SLC25A17: variants seen among roughly 807,000 people sequenced by gnomAD.
The protein encoded by SLC25A17 is peroxisomal membrane protein PMP34.
In SLC25A17, 26 loss-of-function variants were observed where a neutral mutation model predicts 38.5. That is an observed-to-expected ratio of 0.68 (90% CI 0.50 to 0.94). The LOEUF (loss-of-function observed/expected upper bound fraction) is 0.94, where lower values mean the gene tolerates loss of function less well. Among genes scored for constraint, SLC25A17 ranks in the 40% least tolerant of loss-of-function variants. The probability of loss-of-function intolerance (pLI) is 0.00; values close to 1 mark genes in which losing one functional copy is unlikely to be tolerated. For missense variants in SLC25A17, 333 were observed against 372.7 expected (o/e 0.89, Z 0.88); for synonymous variants, 139 against 136.2 (o/e 1.02, Z -0.14).
At chr22:40,775,502 G>GCCGGACT (rs1344893792) in intron 7 of SLC25A17, among the ~76,000 whole-genome samples, 2 of 133,932 alleles carry the variant, frequency 1.5e-5, no homozygotes, top group African/African-American at 5.6e-5. Flanking sequence ...TGTCGCCCAG[G>GCCGGACT]CCGGACTGCG....
At chr22:40,797,435 G>A in intron 2 of SLC25A17, 1 of 520,790 alleles carries the variant, frequency 1.9e-6, no homozygotes, top group Non-Finnish European at 3.6e-6. Flanking sequence ...ATGGCATTGA[G>A]TATGTGGCTC....
At chr22:40,775,918 A>T (rs146814192) in intron 7 of SLC25A17, among the ~76,000 whole-genome samples, 204 of 152,240 alleles carry the variant, frequency 1.3e-3, no homozygotes, top group African/African-American at 4.8e-3. Context: ...TCTTTCCTTT[A>T]TAAATTACCC....
chr22:40,781,277 G>A lies in SLC25A17; in HGVS notation c.335-2152C>T, dbSNP rs1393788018. ...TTTTTTTTTTTTGAGACGGAGTCTCGCTCTTTCGCCCAGGCCGGAGTGCAG... is the reference window on the plus strand; with the variant it reads ...TTTTTTTTTTTTGAGACGGAGTCTCACTCTTTCGCCCAGGCCGGAGTGCAG... On this transcript the variant is annotated intron_variant, in intron 4 of 8. Transcript: ENST00000435456. 2.0e-5 allele frequency among the ~76,000 whole-genome samples: 3 copies of A among 148,264 alleles called. No individual in the cohort carries two copies. In the East Asian group the frequency reaches 5.9e-4, roughly 29 times the overall value.
Position 40,794,722 on chromosome 22 carries a change from C to T in SLC25A17, c.116-142G>A, listed in dbSNP as rs183033171. On this transcript the variant is annotated intron_variant, in intron 2 of 8. Transcript: ENST00000435456. ...GCAACCTCCACCTCCTGGGTTCAAG[C>T]GATTCTCCTGTTGCAGCCTCCCAAG... 8.8e-5 allele frequency: 36 copies of T among 408,832 alleles called. No individual in the cohort carries two copies. In the East Asian group the frequency reaches 1.4e-3, roughly 16 times the overall value. 25.3% of individuals were successfully genotyped at this position (408,832 alleles called of 1,614,324 possible). A position where few individuals can be genotyped will look rare whatever the true frequency, so the allele number is the denominator to read the frequency against.
In SLC25A17 at chr22:40,783,800, G is replaced by A. The variant is rs534795720; in HGVS notation, c.335-4675C>T. ...CGCTCACTGCAACCTCCGCCTCCTG[G>A]GTTCAAGTGATTCTCCTACCTCAGC... is the stretch of plus-strand genomic sequence containing the variant. On this transcript the variant is annotated intron_variant, in intron 4 of 8. Coordinates refer to ENST00000435456, the MANE Select transcript of SLC25A17 (RefSeq NM_006358.4). Among the ~76,000 whole-genome samples, 5 of 152,156 alleles carry A rather than the reference G, an allele frequency of 3.3e-5. 1 individual carries two copies. The South Asian group carries it at 1.0e-3, about 32-fold the overall frequency.
chr22:40,790,284 C>T (rs1357140655), intron 4 of SLC25A17, among the ~76,000 whole-genome samples: 2 of 134,008 alleles, frequency 1.5e-5, no homozygotes, highest in East Asian at 4.4e-4. Context: ...GAGGTTGCAG[C>T]AATCCAAGAT....
chr22:40,776,161 G>C (rs932247224), intron 7 of SLC25A17: 2 of 317,544 alleles, frequency 6.3e-6, no homozygotes, highest in African/African-American at 4.5e-5. Flanking sequence ...TTTTCAATTT[G>C]TAATTACCTA....
At chr22:40,773,531 T>TATC (rs924905517) in intron 8 of SLC25A17, among the ~76,000 whole-genome samples, 9 of 152,042 alleles carry the variant, frequency 5.9e-5, no homozygotes, top group East Asian at 5.8e-4. Context: ...CCATCATCAT[T>TATC]ATCATCATCA....
At chr22:40,816,463 G>A (rs1412756296) in intron 1 of SLC25A17, among the ~76,000 whole-genome samples, 1 of 151,964 alleles carries the variant, frequency 6.6e-6, no homozygotes, top group Non-Finnish European at 1.5e-5. Context: ...GGCAATGTTG[G>A]GTAGCTGTGA....
At position 40,777,086 on chromosome 22, in the gene SLC25A17, G is replaced by GC; in HGVS notation, c.646dup (p.Ala216GlyfsTer21). 2 of 1,614,158 alleles carry GC rather than the reference G, an allele frequency of 1.2e-6. No homozygotes were observed. The highest frequency in any genetic ancestry group is 1.7e-6 in the Non-Finnish European group (2 of 1,180,028). Reference sequence around the variant, plus strand: ...CTGCAGGGGATAGGTCACCGTGGTGGCAATCGCTTTGGCTACTGCACCAAT... The same window carrying GC: ...CTGCAGGGGATAGGTCACCGTGGTGGCCAATCGCTTTGGCTACTGCACCAAT... On this transcript the variant is annotated frameshift_variant, in exon 7 of 9. Transcript: ENST00000435456. LOFTEE classifies it high-confidence loss of function.
chr22:40,790,174 T>A (rs1471021784), intron 4 of SLC25A17, among the ~76,000 whole-genome samples: 1 of 151,420 alleles, frequency 6.6e-6, no homozygotes, highest in Admixed American at 6.6e-5. Flanking sequence ...ACCCTATCTT[T>A]ACTAAAAATA....
intron 1 of SLC25A17, among the ~76,000 whole-genome samples, chr22:40,815,071 A>G (rs2057625702): frequency 6.6e-6 from 1 of 152,008 alleles, no homozygotes; most frequent in Non-Finnish European, 1.5e-5. Flanking sequence ...TGCCCGCCTC[A>G]GCCTCCCAAA....
chr22:40,815,778 CT>C (rs990708787), intron 1 of SLC25A17, among the ~76,000 whole-genome samples: 5 of 151,896 alleles, frequency 3.3e-5, no homozygotes, highest in East Asian at 1.9e-4. Flanking sequence ...ACTACAGAAC[CT>C]TTTTTTTCAG....
intron 7 of SLC25A17, among the ~76,000 whole-genome samples, chr22:40,774,392 T>A (rs941246909): frequency 3.9e-5 from 6 of 152,042 alleles, no homozygotes; most frequent in African/African-American, 1.4e-4. Flanking sequence ...CCCGGCTAAT[T>A]TTTGTATTTT....
intron 1 of SLC25A17, among the ~76,000 whole-genome samples, chr22:40,807,079 T>C (rs1467785874): frequency 1.3e-5 from 2 of 152,218 alleles, no homozygotes; most frequent in Non-Finnish European, 2.9e-5. Flanking sequence ...ATACAAATTC[T>C]TCATTCCTTT....
intron 4 of SLC25A17, chr22:40,779,434 T>G: frequency 1.7e-6 from 1 of 594,844 alleles, no homozygotes; most frequent in South Asian, 2.7e-5. Context: ...GCAATTTTGA[T>G]ATAGCTTTAA....
At chr22:40,817,986 G>A (rs2057659734) in intron 1 of SLC25A17, among the ~76,000 whole-genome samples, 1 of 152,180 alleles carries the variant, frequency 6.6e-6, no homozygotes, top group African/African-American at 2.4e-5. Flanking sequence ...GAAATGCTGT[G>A]TCACTTAATT....
rs2057254452 is a variant in SLC25A17, at chr22:40,777,308, A to G, written c.517T>C (p.Leu173=). 5 of 1,614,094 alleles carry G rather than the reference A, an allele frequency of 3.1e-6. No individual in the cohort carries two copies. The highest frequency in any genetic ancestry group is 3.3e-4 in the Middle Eastern group (2 of 6,084). The part of the protein sequence containing the change: ...SALWNGTFPS[L]LLVFNPAIQF... ...ATGGCAGGATTGAAGACCAACAGCA[A>G]TGAGGGAAATGTGCCATTCCATAAA... is the stretch of plus-strand genomic sequence containing the variant. The change falls in exon 6 of 9, where the codon TTG becomes CTG. Residue 173 remains leucine, a synonymous_variant. Coordinates refer to ENST00000435456, the MANE Select transcript of SLC25A17 (RefSeq NM_006358.4).
Position 40,783,736 on chromosome 22 carries a change from C to T in SLC25A17, c.335-4611G>A, listed in dbSNP as rs568772168. Among the ~76,000 whole-genome samples, 8 of 151,980 alleles carry T rather than the reference C, an allele frequency of 5.3e-5. 1 individual carries two copies. The South Asian group carries it at 1.5e-3, about 28-fold the overall frequency. ...TTTTTCTTTTTTGGAGATGGAGTCT[C>T]GCTCTATCTCCCAGGCTGGAGTGCA... On this transcript the variant is annotated intron_variant, in intron 4 of 8. Coordinates refer to ENST00000435456, the MANE Select transcript of SLC25A17 (RefSeq NM_006358.4).
Sources: allele counts gnomAD v4.1 joint callset (sites outside exome capture counted in the v4.1 genomes callset), GRCh38; gene constraint gnomAD v4.1.1; transcripts MANE v1.5; gene names NCBI Gene and HGNC (gene_info 2026-07-23, HGNC 2026-07-21).